Variants in PRLR observed in about 807,000 individuals in gnomAD.
PRLR encodes prolactin receptor.
Under a neutral mutation model 40.2 loss-of-function variants are expected in PRLR, and 13 were observed. That is an observed-to-expected ratio of 0.32 (90% CI 0.21 to 0.51). PRLR has a LOEUF of 0.51. PRLR is among the 20% of genes least tolerant of loss of function. The pLI is 0.97. For missense variants in PRLR, 656 were observed against 747.3 expected (o/e 0.88, Z 1.42); for synonymous variants, 269 against 278.7 (o/e 0.97, Z 0.35).
chr5:35,229,419 C>T (rs961880104), intron 1 of PRLR, among the ~76,000 whole-genome samples: 1 of 152,088 alleles, frequency 6.6e-6, no homozygotes, highest in African/African-American at 2.4e-5. Context: ...TGGGTTGCTT[C>T]CCCAGGATAC....
intron 5 of PRLR, among the ~76,000 whole-genome samples, chr5:35,077,678 T>C (rs1169116752): frequency 6.6e-6 from 1 of 152,180 alleles, no homozygotes; most frequent in East Asian, 1.9e-4. Flanking sequence ...ATCCAGGACT[T>C]GAACTCAGCT....
chr5:35,110,846 G>A (rs1319118663), intron 2 of PRLR, among the ~76,000 whole-genome samples: 1 of 152,194 alleles, frequency 6.6e-6, no homozygotes, highest in Non-Finnish European at 1.5e-5. Flanking sequence ...AAGCTGGGCT[G>A]CTTCTCATGC....
intron 1 of PRLR, among the ~76,000 whole-genome samples, chr5:35,160,779 A>T (rs75422035): frequency 2.8e-4 from 43 of 152,310 alleles, no homozygotes; most frequent in African/African-American, 1.0e-3. Flanking sequence ...GAATCAGCTC[A>T]AGAGGACAGC....
At chr5:35,146,498 T>G (rs1774185475) in intron 1 of PRLR, among the ~76,000 whole-genome samples, 1 of 152,196 alleles carries the variant, frequency 6.6e-6, no homozygotes, top group Non-Finnish European at 1.5e-5. Flanking sequence ...GTTCAGTACA[T>G]GGGTGGCTGC....
chr5:35,057,020 G>A lies in PRLR; in HGVS notation c.*8069C>T, dbSNP rs963061848. 5.9e-5 allele frequency: 9 copies of A among 152,116 alleles called. No homozygotes were observed. The highest frequency in any genetic ancestry group is 3.3e-4 in the Admixed American group (5 of 15,274). The allele number at this position is 152,116 out of a possible 1,614,324, so 9.4% of individuals were successfully genotyped here. A position where few individuals can be genotyped will look rare whatever the true frequency, so the allele number is the denominator to read the frequency against. On this transcript the variant is annotated 3_prime_UTR_variant, in exon 10 of 10. Coordinates refer to ENST00000618457, the MANE Select transcript of PRLR (RefSeq NM_000949.7). ...ATTATCCATTTACACTTCATCTGAT[G>A]GATTTTGTCAGAAAAGATGTTGTTA...
intron 3 of PRLR, among the ~76,000 whole-genome samples, chr5:35,087,575 G>A (rs1178043171): frequency 6.6e-6 from 1 of 151,968 alleles, no homozygotes; most frequent in Non-Finnish European, 1.5e-5. Flanking sequence ...GGTAGGAGGT[G>A]TGGTAAGAGG....
intron 1 of PRLR, among the ~76,000 whole-genome samples, chr5:35,191,759 T>C (rs1186436267): frequency 6.6e-6 from 1 of 152,162 alleles, no homozygotes; most frequent in Non-Finnish European, 1.5e-5. Context: ...GTATCTTTCA[T>C]ATAGAAAGGT....
At chr5:35,070,992 AAATTAAAC>A (rs1769715887) in intron 6 of PRLR, among the ~76,000 whole-genome samples, 1 of 152,202 alleles carries the variant, frequency 6.6e-6, no homozygotes, top group Non-Finnish European at 1.5e-5. Flanking sequence ...AGTAGTATAC[AAATTAAAC>A]ATGACCTTAC....
intron 5 of PRLR, among the ~76,000 whole-genome samples, chr5:35,078,600 C>T (rs1226694759): frequency 2.8e-4 from 42 of 151,814 alleles, no homozygotes; most frequent in African/African-American, 4.1e-4. Context: ...CAGGACCAGA[C>T]GGATTCACAG....
intron 5 of PRLR, among the ~76,000 whole-genome samples, chr5:35,082,515 A>G (rs1554043535): frequency 2.0e-5 from 3 of 152,078 alleles, no homozygotes; most frequent in Non-Finnish European, 1.5e-5. Context: ...CATACAAGTA[A>G]TACCCCCATC....
In PRLR at chr5:35,049,386, G is replaced by A. The variant is rs142977922; in HGVS notation, c.1032C>T (p.Ala344=). 671 of 702,876 alleles carry A rather than the reference G, an allele frequency of 9.5e-4. 3 individuals carry two copies. The highest frequency in any genetic ancestry group is 4.1e-3 in the Middle Eastern group (18 of 4,370). 43.5% of individuals were successfully genotyped at this position (702,876 alleles called of 1,614,324 possible). ...AAGATTTGAGATTTTTGTAATGAGAGGCACCCAACATCAAGGGGTCACCTG... is the reference window on the plus strand; with the variant it reads ...AAGATTTGAGATTTTTGTAATGAGAAGCACCCAACATCAAGGGGTCACCTG... Residue 344 remains alanine, a synonymous_variant, in exon 9 of 9, where the codon GCC becomes GCT. Transcript: ENST00000231423.
Position 35,119,120 on chromosome 5 carries a change from C to T in PRLR, c.-105-998G>A, listed in dbSNP as rs977172979. ...TACAGCTACTTTTTAAAATGGGCTT[C>T]GATATATATGAACAGCAATTCATAA... On this transcript the variant is annotated intron_variant, in intron 1 of 9. Coordinates refer to ENST00000618457, the MANE Select transcript of PRLR (RefSeq NM_000949.7). Among the ~76,000 whole-genome samples, 7 of 152,082 alleles carry T rather than the reference C, an allele frequency of 4.6e-5. 1 individual carries two copies. Among genetic ancestry groups the T allele is most frequent in the Non-Finnish European group, 2.9e-5 (2 of 68,002 alleles).
At position 35,060,251 on chromosome 5, in the gene PRLR, C is replaced by G. The variant is rs1439782386; in HGVS notation, c.*4838G>C. The G allele has an allele frequency of 6.6e-6, 1 of 152,072 alleles. No individual in the cohort carries two copies. Among genetic ancestry groups the G allele is most frequent in the African/African-American group, 2.4e-5 (1 of 41,394 alleles). 9.4% of individuals were successfully genotyped at this position (152,072 alleles called of 1,614,324 possible). A position where few individuals can be genotyped will look rare whatever the true frequency, so the allele number is the denominator to read the frequency against. On this transcript the variant is annotated 3_prime_UTR_variant, in exon 10 of 10. Transcript: ENST00000618457. ...TGAATAATTTCATTTCTTGTGGATC[C>G]TATGGTTGCTACTAACTCTTAGGAA...
chr5:35,070,364 T>G, intron 6 of PRLR, 99 bp from the exon 7 acceptor site: 1 of 1,301,406 alleles, frequency 7.7e-7, no homozygotes, highest in Non-Finnish European at 1.1e-6. Flanking sequence ...TGAACAATCA[T>G]ATACAGAGAA....
At position 35,068,786 on chromosome 5, in the gene PRLR, C is replaced by T. The variant is rs1224462918; in HGVS notation, c.778G>A (p.Gly260Ser). ...TGAGAGACAGTGAAGTACCTATAGC[C>T]CTTCAAAGCCACTGCCCAGACAATA... ...LIIVWAVALK[G>S]YSMVTCIFPP... is the part of the protein sequence containing the mutation. The change falls in exon 8 of 10, where the codon GGC becomes AGC. Residue 260 changes from glycine (G) to serine (S), a missense_variant. Physicochemically the swap from Gly to Ser is moderately conservative, Grantham distance 56. Around this residue, in one of 3 missense-constraint regions of PRLR, gnomAD observed 469 missense variants for 491.5 expected, o/e 0.95. Coordinates refer to ENST00000618457, the MANE Select transcript of PRLR (RefSeq NM_000949.7). 1.3e-6 allele frequency: 2 copies of T among 1,598,278 alleles called. No individual in the cohort carries two copies. Among genetic ancestry groups the T allele is most frequent in the South Asian group, 1.1e-5 (1 of 90,700 alleles).
At chr5:35,068,384 T>A in intron 8 of PRLR, 99 bp from the exon 9 acceptor site, 1 of 1,044,936 alleles carries the variant, frequency 9.6e-7, no homozygotes, top group Admixed American at 1.8e-5. Context: ...GTGATAGAGA[T>A]AGGACTTGGT....
At chr5:35,223,921 G>A (rs146124223) in intron 1 of PRLR, among the ~76,000 whole-genome samples, 1 of 152,278 alleles carries the variant, frequency 6.6e-6, no homozygotes, top group African/African-American at 2.4e-5. Flanking sequence ...TAGAGAAATA[G>A]CTGGGAAAGC....
chr5:35,059,341 T>C lies in PRLR; in HGVS notation c.*5748A>G, dbSNP rs937817552. 4 of 152,170 alleles carry C rather than the reference T, an allele frequency of 2.6e-5. No homozygotes were observed. The highest frequency in any genetic ancestry group is 9.7e-5 in the African/African-American group (4 of 41,446). 9.4% of individuals were successfully genotyped at this position (152,170 alleles called of 1,614,324 possible). On this transcript the variant is annotated 3_prime_UTR_variant, in exon 10 of 10. Transcript: ENST00000618457. ...GTTTTTCCTATTTTGAGACTTTACATGTCTCAGTACTTTCTAAATTGAAAT... is the reference window on the plus strand; with the variant it reads ...GTTTTTCCTATTTTGAGACTTTACACGTCTCAGTACTTTCTAAATTGAAAT...
At chr5:35,152,318 G>C (rs1481411436) in intron 1 of PRLR, among the ~76,000 whole-genome samples, 2 of 152,116 alleles carry the variant, frequency 1.3e-5, no homozygotes, top group Non-Finnish European at 2.9e-5. Flanking sequence ...TTTATACATG[G>C]TAAGACGCAT....
Sources: allele counts gnomAD v4.1 joint callset (sites outside exome capture counted in the v4.1 genomes callset), GRCh38; gene constraint gnomAD v4.1.1; regional missense constraint gnomAD v4.1.1; transcripts MANE v1.5; gene names NCBI Gene and HGNC (gene_info 2026-07-23, HGNC 2026-07-21).